Variants in PSD3 observed in about 807,000 individuals in gnomAD.
The protein encoded by PSD3 is pleckstrin and Sec7 domain containing 3.
In PSD3, 49 loss-of-function variants were observed where a neutral mutation model predicts 105.5. That is an observed-to-expected ratio of 0.46 (90% CI 0.37 to 0.59). The LOEUF is 0.59. Ranked by LOEUF, PSD3 falls within the 20% of genes least tolerant of loss-of-function variation. The probability of loss-of-function intolerance (pLI) is 0.00; values close to 1 mark genes in which losing one functional copy is unlikely to be tolerated. For synonymous variants in PSD3, 557 were observed against 457.8 expected (o/e 1.22, Z -2.77); for missense variants, 1,561 against 1,263.8 (o/e 1.24, Z -3.57).
rs369907214 is a variant in PSD3, at chr8:18,773,225, T to G, written c.2083-7687A>C. ...ATATAAGGGTCCTACTTCTCTTTTT[T>G]TTGCATGAAGATACTGTATTCACAC... On this transcript the variant is annotated intron_variant, in intron 8 of 15. Coordinates refer to ENST00000327040, the MANE Select transcript of PSD3 (RefSeq NM_015310.4). 3.8e-4 allele frequency among the ~76,000 whole-genome samples: 58 copies of G among 152,318 alleles called. 2 individuals carry two copies. The South Asian group carries it at 0.012, about 31-fold the overall frequency.
intron 8 of PSD3, among the ~76,000 whole-genome samples, chr8:18,784,755 C>T (rs139605666): frequency 1.3e-3 from 196 of 152,268 alleles, no homozygotes; most frequent in African/African-American, 4.6e-3. Context: ...AGTGTTGGGG[C>T]TTCTGTCCCT....
At position 18,531,621 on chromosome 8, in the gene PSD3, C is replaced by T. The variant is rs1252467785; in HGVS notation, c.*4122G>A. 6.6e-6 allele frequency: 1 copy of T among 152,268 alleles called. No individual in the cohort carries two copies. Among genetic ancestry groups the T allele is most frequent in the Non-Finnish European group, 1.5e-5 (1 of 68,088 alleles). 9.4% of individuals were successfully genotyped at this position (152,268 alleles called of 1,614,324 possible). On this transcript the variant is annotated 3_prime_UTR_variant, in exon 16 of 16. Coordinates refer to ENST00000327040, the MANE Select transcript of PSD3 (RefSeq NM_015310.4). ...ACAAGATGGCCAGAAAGCTGTGGAG[C>T]AAGGTAGGAGGCCCAGAGGCGCATC... is the stretch of plus-strand genomic sequence containing the variant.
chr8:18,767,820 C>T (rs1294824406), intron 8 of PSD3, among the ~76,000 whole-genome samples: 1 of 152,032 alleles, frequency 6.6e-6, no homozygotes, highest in Non-Finnish European at 1.5e-5. Flanking sequence ...TACACTACTA[C>T]TATGCATAAA....
At chr8:19,076,264 G>A (rs116559912) in intron 1 of PSD3, among the ~76,000 whole-genome samples, 2 of 152,176 alleles carry the variant, frequency 1.3e-5, no homozygotes, top group African/African-American at 4.8e-5. Context: ...TTATTTTATA[G>A]GTTGTTTAAA....
chr8:18,757,178 C>T (rs1483647312), intron 9 of PSD3, among the ~76,000 whole-genome samples: 9 of 150,226 alleles, frequency 6.0e-5, no homozygotes, highest in East Asian at 2.0e-4. Flanking sequence ...GGGATCTGGA[C>T]GCGGTGGCTC....
chr8:18,565,884 G>C (rs1460363549), intron 14 of PSD3, among the ~76,000 whole-genome samples: 1 of 152,096 alleles, frequency 6.6e-6, no homozygotes, highest in Non-Finnish European at 1.5e-5. Flanking sequence ...GTCCCTATTG[G>C]CATCTAGTGG....
At chr8:18,917,192 T>C (rs1307830515) in intron 2 of PSD3, among the ~76,000 whole-genome samples, 1 of 152,214 alleles carries the variant, frequency 6.6e-6, no homozygotes, top group Non-Finnish European at 1.5e-5. Context: ...TCGTCTTCTG[T>C]ATCTCCACTG....
intron 4 of PSD3, chr8:18,849,314 C>T (rs369554931): frequency 6.6e-6 from 1 of 152,160 alleles, no homozygotes; most frequent in Non-Finnish European, 1.5e-5. Flanking sequence ...GATGAAACTT[C>T]GGCTCACTTC....
intron 2 of PSD3, among the ~76,000 whole-genome samples, chr8:18,879,086 A>ACACACACACACACG (rs1448873507): frequency 1.8e-5 from 2 of 111,258 alleles, no homozygotes; most frequent in South Asian, 3.3e-4. Context: ...ACACACACAC[A>ACACACACACACACG]CGCACACACA....
chr8:18,935,718 A>T (rs1156767827), intron 2 of PSD3, among the ~76,000 whole-genome samples: 1 of 151,760 alleles, frequency 6.6e-6, no homozygotes, highest in African/African-American at 2.4e-5. Context: ...ACCACCAAAA[A>T]TACATTAGTC....
chr8:18,936,004 C>G (rs771403893), intron 2 of PSD3, 30 bp downstream of exon 2: 3 of 1,409,166 alleles, frequency 2.1e-6, no homozygotes, highest in Non-Finnish European at 3.0e-6. Flanking sequence ...ATATAGTTTA[C>G]CTGGGAGAGG....
At chr8:18,681,170 G>T (rs1800366028) in intron 9 of PSD3, among the ~76,000 whole-genome samples, 1 of 152,202 alleles carries the variant, frequency 6.6e-6, no homozygotes, top group Non-Finnish European at 1.5e-5. Context: ...CGAGTTAATG[G>T]TATCTTATTT....
intron 2 of PSD3, among the ~76,000 whole-genome samples, chr8:18,900,134 T>C (rs185345332): frequency 9.8e-5 from 15 of 152,316 alleles, no homozygotes; most frequent in Non-Finnish European, 1.5e-5. Context: ...TCTTGACATT[T>C]TTTAAGGCAA....
At chr8:18,829,369 A>G (rs1329720120) in intron 4 of PSD3, among the ~76,000 whole-genome samples, 2 of 152,264 alleles carry the variant, frequency 1.3e-5, no homozygotes, top group Non-Finnish European at 2.9e-5. Context: ...AAGGTTATCT[A>G]GTAACCCAAG....
At chr8:19,056,364 C>T (rs1828710075) in intron 1 of PSD3, among the ~76,000 whole-genome samples, 1 of 152,156 alleles carries the variant, frequency 6.6e-6, no homozygotes, top group Admixed American at 6.5e-5. Context: ...AAAAAAATTT[C>T]TTGGAACTGT....
At chr8:18,956,589 A>G (rs1200369991) in intron 1 of PSD3, among the ~76,000 whole-genome samples, 3 of 152,190 alleles carry the variant, frequency 2.0e-5, no homozygotes, top group Non-Finnish European at 4.4e-5. Flanking sequence ...AAAGAATCAG[A>G]TTAATAAAAA....
chr8:18,808,631 AT>A, intron 4 of PSD3: 1 of 1,277,144 alleles, frequency 7.8e-7, no homozygotes, highest in South Asian at 1.3e-5. Flanking sequence ...AGCACAAAGG[AT>A]AAATATGTCC....
intron 9 of PSD3, among the ~76,000 whole-genome samples, chr8:18,725,342 A>G (rs1280764218): frequency 6.6e-6 from 1 of 152,240 alleles, no homozygotes; most frequent in Non-Finnish European, 1.5e-5. Context: ...AGAAAATATA[A>G]GTAGGATCAG....
intron 4 of PSD3, among the ~76,000 whole-genome samples, chr8:18,806,784 C>G (rs1386688): frequency 0.29 from 43,646 of 152,026 alleles, 8,114 homozygotes; most frequent in African/African-American, 0.53. Context: ...GCATTAAGCA[C>G]AATAACCATT....
Sources: gnomAD v4.1 joint callset for allele counts (sites outside exome capture counted in the v4.1 genomes callset) on GRCh38, gnomAD v4.1.1 for gene constraint, MANE v1.5 for transcripts, NCBI Gene and HGNC (gene_info 2026-07-23, HGNC 2026-07-21) for gene names.